PIK3CD: variants seen among roughly 807,000 people sequenced by gnomAD.
The protein encoded by PIK3CD is phosphatidylinositol 4,5-bisphosphate 3-kinase catalytic subunit delta isoform.
A neutral mutation model predicts 122.9 loss-of-function variants in PIK3CD; 20 were observed. That is an observed-to-expected ratio of 0.16 (90% CI 0.11 to 0.24). The LOEUF (loss-of-function observed/expected upper bound fraction) is 0.24. PIK3CD is among the 10% of genes least tolerant of loss of function. The pLI, the probability that PIK3CD is intolerant of heterozygous loss-of-function variation, is 1.00. For synonymous variants in PIK3CD, 596 were observed against 593.4 expected (o/e 1.00, Z -0.06); for missense variants, 787 against 1,406.3 (o/e 0.56, Z 7.04).
At chr1:9,670,766 G>A (rs1254124200) in intron 1 of PIK3CD, among the ~76,000 whole-genome samples, 1 of 152,034 alleles carries the variant, frequency 6.6e-6, no homozygotes, top group Non-Finnish European at 1.5e-5. Flanking sequence ...ATTTGTTTTT[G>A]GTTTTTTTTT....
intron 2 of PIK3CD, among the ~76,000 whole-genome samples, chr1:9,695,328 G>T (rs1348503482): frequency 3.9e-5 from 6 of 152,170 alleles, no homozygotes; most frequent in Non-Finnish European, 7.3e-5. Context: ...GGAAGGAAAA[G>T]TATGTAGGAA....
intron 23 of PIK3CD, 152 bp downstream of exon 23, chr1:9,725,088 G>C: frequency 9.6e-7 from 1 of 1,040,368 alleles, no homozygotes; most frequent in Non-Finnish European, 1.4e-6. Flanking sequence ...AGTGGAGCTG[G>C]TGGGCGGTGG....
chr1:9,680,824 A>G (rs956048929), intron 1 of PIK3CD: 7 of 152,216 alleles, frequency 4.6e-5, no homozygotes, highest in African/African-American at 1.7e-4. Context: ...GCTGTTTAAC[A>G]AATCACGCCA....
chr1:9,719,615 C>T lies in PIK3CD; in HGVS notation c.1243-306C>T, dbSNP rs1476216256. Among the ~76,000 whole-genome samples, 1 of 150,520 alleles carries T rather than the reference C, an allele frequency of 6.6e-6. No homozygotes were observed. Among genetic ancestry groups the T allele is most frequent in the Non-Finnish European group, 1.5e-5 (1 of 67,794 alleles). On this transcript the variant is annotated intron_variant, in intron 9 of 23. Transcript: ENST00000377346. The surrounding 1 kb of genome is among the most constrained non-coding windows in gnomAD (Gnocchi z 5.5). The stretch of plus-strand genomic sequence containing the variant: ...GGCAGAGGTTGCAATGAGCCGAGAT[C>T]GTGCCACTGCACTCCAGCCTGGGTG...
At chr1:9,716,840 C>T in intron 6 of PIK3CD, 119 bp from the exon 7 acceptor site, 1 of 1,425,830 alleles carries the variant, frequency 7.0e-7, no homozygotes, top group Non-Finnish European at 9.8e-7. Context: ...AGCAGGAAGC[C>T]CTCCCCTCTC....
At chr1:9,629,562 G>A in the PIK3CD span, among the ~76,000 whole-genome samples, 1 of 151,370 alleles carries the variant, frequency 6.6e-6, no homozygotes, top group Non-Finnish European at 1.5e-5. Context: ...ACCCTGCCGT[G>A]GGAAAGGCTG....
At chr1:9,647,327 G>T (rs1644617893), upstream of PIK3CD, among the ~76,000 whole-genome samples, 1 of 151,814 alleles carries the variant, frequency 6.6e-6, no homozygotes, top group African/African-American at 2.4e-5. Context: ...CTGGGAGACA[G>T]AGGTTGCAGT....
chr1:9,721,234 G>T lies in PIK3CD; in HGVS notation c.1797G>T (p.Ser599=), dbSNP rs141159861. 1.6e-4 allele frequency: 255 copies of T among 1,613,220 alleles called. No homozygotes were observed. Among genetic ancestry groups the T allele is most frequent in the Non-Finnish European group, 2.1e-4 (248 of 1,179,992 alleles). Reference sequence around the variant, plus strand: ...ACGTAGGCTCCTTCGCCATCAAGTCGCTGCGGAAACTGACGTGAGTCCCAG... The same window carrying T: ...ACGTAGGCTCCTTCGCCATCAAGTCTCTGCGGAAACTGACGTGAGTCCCAG... ...DCHVGSFAIK[S]LRKLTDDELF... The change falls in exon 14 of 24, where the codon TCG becomes TCT. Residue 599 remains serine, a synonymous_variant. Coordinates refer to ENST00000377346, the MANE Select transcript of PIK3CD (RefSeq NM_005026.5).
chr1:9,663,329 C>CAGG lies in PIK3CD; in HGVS notation c.-138+11529_-138+11531dup, dbSNP rs746245001. The stretch of plus-strand genomic sequence containing the variant: ...AGTGTCTGTCTCTCTCACTGGCACA[C>CAGG]AGGACAGTTCTTCCTGGCATTATGT... On this transcript the variant is annotated intron_variant, in intron 1 of 23. Transcript: ENST00000377346. Among the ~76,000 whole-genome samples the CAGG allele has an allele frequency of 2.7e-4, 41 of 152,182 alleles. 1 individual carries two copies. Among genetic ancestry groups the CAGG allele is most frequent in the Non-Finnish European group, 5.9e-5 (4 of 68,020 alleles).
At position 9,652,682 on chromosome 1, in the gene PIK3CD, A is replaced by G. The variant is rs1251417433; in HGVS notation, c.-138+880A>G. 1 of 152,248 alleles carries G rather than the reference A, an allele frequency of 6.6e-6. No homozygotes were observed. Among genetic ancestry groups the G allele is most frequent in the East Asian group, 1.9e-4 (1 of 5,200 alleles). 9.4% of individuals were successfully genotyped at this position (152,248 alleles called of 1,614,324 possible). ...TCATTTGCACCTCCTCCTTTGAGGT[A>G]GAGAAGAGGGGAACTGGGACGACCT... On this transcript the variant is annotated intron_variant, in intron 1 of 23. Transcript: ENST00000377346. This position sits in a 1 kb window ranked among gnomAD's most constrained non-coding sequence, Gnocchi z 6.2.
At chr1:9,677,264 GTTGT>G (rs1205817663) in intron 1 of PIK3CD, among the ~76,000 whole-genome samples, 22 of 152,138 alleles carry the variant, frequency 1.4e-4, no homozygotes, top group Admixed American at 1.0e-3. Context: ...TGGGAGGGAG[GTTGT>G]TTGTTTGTGA....
chr1:9,726,936 G>A lies in PIK3CD; in HGVS notation c.3025G>A (p.Glu1009Lys). The A allele has an allele frequency of 6.2e-7, 1 of 1,613,944 alleles. No individual in the cohort carries two copies. The highest frequency in any genetic ancestry group is 8.5e-7 in the Non-Finnish European group (1 of 1,179,888). The change falls in exon 24 of 24, where the codon GAG becomes AAG. Residue 1009 changes from glutamate to lysine, a missense_variant. Around this residue, in one of 6 missense-constraint regions of PIK3CD, gnomAD observed 60 missense variants for 129.5 expected, o/e 0.46. Coordinates refer to ENST00000377346, the MANE Select transcript of PIK3CD (RefSeq NM_005026.5). ...KDSLALGKTE[E>K]EALKHFRVKF... Reference sequence around the variant, plus strand: ...CTCCCTGGCACTGGGGAAAACAGAGGAGGAGGCACTGAAGCACTTCCGAGT... The same window carrying A: ...CTCCCTGGCACTGGGGAAAACAGAGAAGGAGGCACTGAAGCACTTCCGAGT...
intron 1 of PIK3CD, among the ~76,000 whole-genome samples, chr1:9,676,395 T>C (rs1169486503): frequency 1.3e-5 from 2 of 152,262 alleles, no homozygotes; most frequent in Non-Finnish European, 2.9e-5. Flanking sequence ...TTGTGTCTGA[T>C]GGAGTTGGCG....
At chr1:9,647,998 G>A (rs1644623314), upstream of PIK3CD, among the ~76,000 whole-genome samples, 1 of 152,150 alleles carries the variant, frequency 6.6e-6, no homozygotes, top group Admixed American at 6.6e-5. Flanking sequence ...TTTGCTACAT[G>A]TATATACTCT....
chr1:9,656,519 C>T (rs1488367579), intron 1 of PIK3CD, among the ~76,000 whole-genome samples: 2 of 152,136 alleles, frequency 1.3e-5, no homozygotes, highest in African/African-American at 2.4e-5. Context: ...GTTTCAGCTA[C>T]TTGGGAGGCT....
At chr1:9,640,265 G>A in the PIK3CD span, among the ~76,000 whole-genome samples, 2 of 152,076 alleles carry the variant, frequency 1.3e-5, no homozygotes, top group Admixed American at 1.3e-4. Context: ...GGTTCCTTTT[G>A]TGGAGGAAAA....
chr1:9,664,369 C>T (rs939049609), intron 1 of PIK3CD, among the ~76,000 whole-genome samples: 1 of 152,046 alleles, frequency 6.6e-6, no homozygotes, highest in Non-Finnish European at 1.5e-5. Context: ...TTCTATAGGG[C>T]TGTGTCCCAA....
At chr1:9,632,465 C>T in the PIK3CD span, among the ~76,000 whole-genome samples, 5 of 152,192 alleles carry the variant, frequency 3.3e-5, no homozygotes, top group Non-Finnish European at 5.9e-5. Context: ...ACTGGGACTG[C>T]GGCCATGTGC....
intron 1 of PIK3CD, among the ~76,000 whole-genome samples, chr1:9,675,385 CAAAA>C (rs34447888): frequency 3.4e-5 from 2 of 59,492 alleles, no homozygotes; most frequent in African/African-American, 5.3e-5. Flanking sequence ...GACTCCGTCT[CAAAA>C]AAAAAAAAAA....
Sources: gnomAD v4.1 joint callset for allele counts (sites outside exome capture counted in the v4.1 genomes callset) on GRCh38, gnomAD v4.1.1 for gene constraint, gnomAD v4.1.1 regional missense constraint, Gnocchi (gnomAD v3.1) non-coding constraint, MANE v1.5 for transcripts, NCBI Gene and HGNC (gene_info 2026-07-23, HGNC 2026-07-21) for gene names.